The following HDAC9 variants were observed in gnomAD, a reference collection of about 807,000 sequenced individuals.
The protein encoded by HDAC9 is histone deacetylase 9.
Under a neutral mutation model 139.4 loss-of-function variants are expected in HDAC9, and 41 were observed. The ratio of observed to expected loss-of-function variants is 0.29; its 90% CI spans 0.23 to 0.38. The LOEUF (loss-of-function observed/expected upper bound fraction) is 0.38, where lower values mean the gene tolerates loss of function less well. HDAC9 is among the 10% of genes least tolerant of loss of function. The pLI is 1.00. For missense variants in HDAC9, 1,147 were observed against 1,297.0 expected (o/e 0.88, Z 1.78); for synonymous variants, 517 against 476.2 (o/e 1.09, Z -1.12).
chr7:18,822,839 T>C (rs1175449234), intron 17 of HDAC9, among the ~76,000 whole-genome samples: 2 of 152,236 alleles, frequency 1.3e-5, no homozygotes, highest in African/African-American at 4.8e-5. Context: ...GAAATGGGGA[T>C]AATAATATTA....
At chr7:18,962,904 G>GC (rs1783617989) in intron 24 of HDAC9, among the ~76,000 whole-genome samples, 1 of 152,036 alleles carries the variant, frequency 6.6e-6, no homozygotes, top group East Asian at 1.9e-4. Context: ...CCTTCTACTG[G>GC]TAAGAAGGAA....
intron 8 of HDAC9, 53 bp from the exon 9 acceptor site, chr7:18,644,618 C>T: frequency 2.0e-6 from 3 of 1,508,242 alleles, no homozygotes; most frequent in Non-Finnish European, 2.7e-6. Context: ...GAACATTTTA[C>T]AGTAAAATTT....
At chr7:18,894,649 A>G in intron 22 of HDAC9, among the ~76,000 whole-genome samples, 1 of 152,158 alleles carries the variant, frequency 6.6e-6, no homozygotes, top group African/African-American at 2.4e-5. Context: ...GAAGAGATCA[A>G]TGGAGCAGTA....
At chr7:18,302,041 A>T (rs1798573257) in intron 1 of HDAC9, among the ~76,000 whole-genome samples, 1 of 152,200 alleles carries the variant, frequency 6.6e-6, no homozygotes, top group South Asian at 2.1e-4. Context: ...TTAAAAATTT[A>T]AAATACTCAG....
chr7:18,509,742 G>C (rs528504496), intron 2 of HDAC9, among the ~76,000 whole-genome samples: 1 of 151,860 alleles, frequency 6.6e-6, no homozygotes, highest in East Asian at 1.9e-4. Flanking sequence ...CCCTAATTAC[G>C]TGTATTTTTT....
chr7:18,659,236 A>T (rs902754975), intron 11 of HDAC9, among the ~76,000 whole-genome samples: 1 of 152,196 alleles, frequency 6.6e-6, no homozygotes, highest in Admixed American at 6.6e-5. Flanking sequence ...ATATGCTTAT[A>T]GAGACTTATA....
In HDAC9 at chr7:18,644,653, C is replaced by G. The variant is rs771854154; in HGVS notation, c.913-18C>G. 4.4e-6 allele frequency: 7 copies of G among 1,599,352 alleles called. No homozygotes were observed. In the African/African-American group the frequency reaches 8.1e-5, roughly 18 times the overall value. On this transcript the variant is annotated intron_variant, in intron 8 of 25. Transcript: ENST00000686413. ...TGTGATACTGTGGTATTTTGAGACT[C>G]TCCTCTTTTTTTAACAGCAAATGGT...
At position 18,862,510 on chromosome 7, in the gene HDAC9, A is replaced by G. The variant is rs919173783; in HGVS notation, c.2685-11968A>G. On this transcript the variant is annotated intron_variant, in intron 21 of 25. Coordinates refer to ENST00000686413, the MANE Select transcript of HDAC9 (RefSeq NM_178425.4). The stretch of plus-strand genomic sequence containing the variant: ...TTTTTCTAACCCCCTACAATTGTAC[A>G]CTGAAGCCAGATAATTCAATTTTGA... Among the ~76,000 whole-genome samples the G allele has an allele frequency of 2.0e-5, 3 of 152,314 alleles. No homozygotes were observed. The South Asian group carries it at 6.2e-4, about 32-fold the overall frequency.
intron 21 of HDAC9, among the ~76,000 whole-genome samples, chr7:18,858,633 T>C (rs563448754): frequency 6.6e-6 from 1 of 152,306 alleles, no homozygotes; most frequent in South Asian, 2.1e-4. Context: ...TGTACTTTAC[T>C]CAGAAATTGC....
intron 22 of HDAC9, among the ~76,000 whole-genome samples, chr7:18,889,954 C>T (rs1041889757): frequency 6.6e-6 from 1 of 152,202 alleles, no homozygotes; most frequent in Non-Finnish European, 1.5e-5. Context: ...AGCCTCTTAG[C>T]CTTCCAAAGT....
intron 12 of HDAC9, among the ~76,000 whole-genome samples, chr7:18,721,174 G>T (rs1217232373): frequency 6.6e-6 from 1 of 151,978 alleles, no homozygotes; most frequent in Non-Finnish European, 1.5e-5. Context: ...CAATTAATAT[G>T]TATAAATATT....
chr7:18,184,046 T>G (rs1208253836), intron 2 of HDAC9, among the ~76,000 whole-genome samples: 1 of 152,204 alleles, frequency 6.6e-6, no homozygotes, highest in African/African-American at 2.4e-5. Flanking sequence ...CTGACATGCT[T>G]GGGACCAGAA....
At chr7:18,153,067 A>T (rs1786902076) in intron 1 of HDAC9, among the ~76,000 whole-genome samples, 3 of 152,112 alleles carry the variant, frequency 2.0e-5, no homozygotes, top group African/African-American at 7.2e-5. Context: ...GGAGATGGAG[A>T]TAAAGATGGG....
chr7:18,889,076 A>G (rs1800436186), intron 22 of HDAC9, among the ~76,000 whole-genome samples: 1 of 152,150 alleles, frequency 6.6e-6, no homozygotes, highest in Admixed American at 6.5e-5. Flanking sequence ...ACCTCTTACC[A>G]CACGTGATGT....
chr7:18,212,587 G>T (rs1320957733), intron 2 of HDAC9, among the ~76,000 whole-genome samples: 1 of 152,192 alleles, frequency 6.6e-6, no homozygotes, highest in Non-Finnish European at 1.5e-5. Context: ...GATAATAATT[G>T]TACCAGCCTC....
chr7:18,712,690 G>C (rs190832748), intron 12 of HDAC9, among the ~76,000 whole-genome samples: 1 of 152,162 alleles, frequency 6.6e-6, no homozygotes, highest in East Asian at 1.9e-4. Context: ...ATAAAGTTAA[G>C]CTTGCCAATA....
chr7:18,887,747 A>G (rs1800295179), intron 22 of HDAC9, among the ~76,000 whole-genome samples: 1 of 152,232 alleles, frequency 6.6e-6, no homozygotes, highest in African/African-American at 2.4e-5. Context: ...ATTATTTTAT[A>G]TTTCTAAAAA....
rs575618076 is a variant in HDAC9 at position 18,959,090 on chromosome 7, C to T, written c.3022+4860C>T. 4.6e-5 allele frequency among the ~76,000 whole-genome samples: 7 copies of T among 152,204 alleles called. No homozygotes were observed. In the South Asian group the frequency reaches 1.2e-3, roughly 27 times the overall value. On this transcript the variant is annotated intron_variant, in intron 24 of 25. Transcript: ENST00000686413. Reference sequence around the variant, plus strand: ...CTAGTGATTTACAGCATCCATGCACCGTTGAATTCGTTCACTTTTCTGCAT... The same window carrying T: ...CTAGTGATTTACAGCATCCATGCACTGTTGAATTCGTTCACTTTTCTGCAT...
At chr7:18,525,162 A>G (rs910296295) in intron 2 of HDAC9, among the ~76,000 whole-genome samples, 1 of 152,150 alleles carries the variant, frequency 6.6e-6, no homozygotes, top group Non-Finnish European at 1.5e-5. Context: ...TTGCTTTTAC[A>G]GGAAAATAAT....
Sources: allele counts gnomAD v4.1 joint callset (sites outside exome capture counted in the v4.1 genomes callset), GRCh38; gene constraint gnomAD v4.1.1; transcripts MANE v1.5; gene names NCBI Gene and HGNC (gene_info 2026-07-23, HGNC 2026-07-21).